Variants in TTC21B observed in about 807,000 individuals in gnomAD.
TTC21B encodes the protein tetratricopeptide repeat protein 21B.
TTC21B carries 127 observed loss-of-function variants against 175.1 expected under a neutral mutation model. The ratio of observed to expected loss-of-function variants is 0.73; its 90% CI spans 0.63 to 0.84. The LOEUF is 0.84. Among genes scored for constraint, TTC21B ranks in the 40% least tolerant of loss-of-function variants. The probability of loss-of-function intolerance (pLI) is 0.00; values close to 1 mark genes in which losing one functional copy is unlikely to be tolerated. For synonymous variants in TTC21B, 524 were observed against 524.5 expected (o/e 1.00, Z 0.01); for missense variants, 1,561 against 1,558.3 (o/e 1.00, Z -0.03).
At chr2:165,935,858 A>G (rs1372295191) in intron 6 of TTC21B, among the ~76,000 whole-genome samples, 1 of 152,186 alleles carries the variant, frequency 6.6e-6, no homozygotes, top group Non-Finnish European at 1.5e-5. Context: ...TCATGGATGC[A>G]AAGACAATAC....
At chr2:165,896,879 G>GT (rs1457519482) in intron 22 of TTC21B, among the ~76,000 whole-genome samples, 2 of 152,086 alleles carry the variant, frequency 1.3e-5, no homozygotes, top group Admixed American at 1.3e-4. Flanking sequence ...ACTACTAAGG[G>GT]TTTTTTTGTT....
At position 165,943,316 on chromosome 2, in the gene TTC21B, T is replaced by A. The variant is rs145726127; in HGVS notation, c.455A>T (p.Asp152Val). The A allele has an allele frequency of 1.2e-6, 2 of 1,610,208 alleles. No homozygotes were observed. The change falls in exon 5 of 29, where the codon GAT (aspartate) becomes GTT (valine). Residue 152 changes from aspartate to valine, a missense_variant. Transcript: ENST00000243344. ...KQGHVLKAWL[D>V]ITRGKEPYTK... ...GTAAGGCTCTTTTCCTCTTGTAATA[T>A]CAAGCCATGCTTTCAAAACGTGTCC... is the stretch of plus-strand genomic sequence containing the variant.
chr2:165,921,472 C>A (rs1686402590), intron 12 of TTC21B, among the ~76,000 whole-genome samples: 1 of 152,132 alleles, frequency 6.6e-6, no homozygotes, highest in Admixed American at 6.5e-5. Context: ...GGGTTAGTAT[C>A]CTGTTGCTAT....
In TTC21B at chr2:165,914,680, T is replaced by TGTGTGTGTGCGCGCGTGTGTGCGCGCGC. The variant is rs1553511349; in HGVS notation, c.2138+520_2138+521insGCGCGCGCACACACGCGCGCACACACAC. Among the ~76,000 whole-genome samples, 814 of 144,224 alleles carry TGTGTGTGTGCGCGCGTGTGTGCGCGCGC rather than the reference T, an allele frequency of 5.6e-3. 12 individuals carry two copies. Among genetic ancestry groups the TGTGTGTGTGCGCGCGTGTGTGCGCGCGC allele is most frequent in the African/African-American group, 0.021 (777 of 36,742 alleles). 94.6% of individuals were successfully genotyped at this position (144,224 alleles called of 152,430 possible). On this transcript the variant is annotated intron_variant, in intron 15 of 28. Transcript: ENST00000243344. ...ATCTGTGTGTGTGTGTGTGTGTGTGTGTGTGTGTGTGTGTGTGTTGTGTAT... is the reference window on the plus strand; with the variant it reads ...ATCTGTGTGTGTGTGTGTGTGTGTGTGTGTGTGTGCGCGCGTGTGTGCGCGCGCGTGTGTGTGTGTGTGTGTTGTGTAT...
intron 12 of TTC21B, 113 bp from the exon 13 acceptor site, chr2:165,919,546 T>TA: frequency 8.3e-7 from 1 of 1,198,986 alleles, no homozygotes; most frequent in Non-Finnish European, 1.2e-6. Flanking sequence ...TTTGTAAACT[T>TA]AAAGTTTGCT....
At chr2:165,920,277 C>T (rs1290398468) in intron 12 of TTC21B, among the ~76,000 whole-genome samples, 1 of 152,010 alleles carries the variant, frequency 6.6e-6, no homozygotes, top group East Asian at 1.9e-4. Flanking sequence ...TCATTTATGC[C>T]CCTCAAACTC....
intron 18 of TTC21B, among the ~76,000 whole-genome samples, chr2:165,910,459 G>T (rs1685891642): frequency 6.6e-6 from 1 of 151,872 alleles, no homozygotes; most frequent in Non-Finnish European, 1.5e-5. Context: ...AAGGTAATTT[G>T]ATAGTACCCA....
chr2:165,905,417 A>AACATAAGG (rs1404784490), intron 19 of TTC21B, among the ~76,000 whole-genome samples: 1 of 152,142 alleles, frequency 6.6e-6, no homozygotes, highest in African/African-American at 2.4e-5. Flanking sequence ...ACAGATCTTA[A>AACATAAGG]ACATAAGGAC....
intron 1 of TTC21B, among the ~76,000 whole-genome samples, chr2:165,950,298 T>C (rs1011758715): frequency 6.6e-6 from 1 of 152,232 alleles, no homozygotes; most frequent in African/African-American, 2.4e-5. Context: ...AAAATCGTTG[T>C]CTTTAAGCTT....
At chr2:165,879,653 G>A (rs1684778695) in intron 27 of TTC21B, 1 of 152,064 alleles carries the variant, frequency 6.6e-6, no homozygotes, top group South Asian at 2.1e-4. Context: ...ATATTTGAGA[G>A]GTTGTTCATT....
chr2:165,924,639 G>T lies in TTC21B; in HGVS notation c.1426C>A (p.Arg476Ser), dbSNP rs756531554. ...ACAGTCTCCAGGACTGAGATGCAAC[G>T]CCTGAGAAGTGGACAAAGAGGTTGC... is the stretch of plus-strand genomic sequence containing the variant. Reference protein sequence around the residue: ...PGQPLCPLLRRCISVLETVVR... With the variant: ...PGQPLCPLLRSCISVLETVVR... The change falls in exon 12 of 29, where the codon CGT (arginine) becomes AGT (serine). Residue 476 changes from arginine (R) to serine (S), a missense_variant. By Grantham distance (110) the Arg-to-Ser change is moderately radical (BLOSUM62 -1). Coordinates refer to ENST00000243344, the MANE Select transcript of TTC21B (RefSeq NM_024753.5). The T allele has an allele frequency of 1.9e-6, 3 of 1,613,700 alleles. No individual in the cohort carries two copies. Among genetic ancestry groups the T allele is most frequent in the African/African-American group, 1.3e-5 (1 of 75,018 alleles).
intron 7 of TTC21B, 76 bp downstream of exon 7, chr2:165,932,897 A>C: frequency 7.9e-7 from 1 of 1,272,004 alleles, no homozygotes; most frequent in South Asian, 1.2e-5. Context: ...GTATATGCAC[A>C]TGCACACATG....
rs576217736 is a variant in TTC21B at position 165,874,536 on chromosome 2, T to C, written c.*219A>G. On this transcript the variant is annotated 3_prime_UTR_variant, in exon 29 of 29. Coordinates refer to ENST00000243344, the MANE Select transcript of TTC21B (RefSeq NM_024753.5). ...ACAGAGTCACCAAATCTGTACCCAATCAAAACAGAGTCAAATAGACCAGCT... is the reference window on the plus strand; with the variant it reads ...ACAGAGTCACCAAATCTGTACCCAACCAAAACAGAGTCAAATAGACCAGCT... 1.4e-5 allele frequency: 7 copies of C among 512,792 alleles called. No individual in the cohort carries two copies. Among genetic ancestry groups the C allele is most frequent in the South Asian group, 7.1e-5 (3 of 42,530 alleles). The allele number at this position is 512,792 out of a possible 1,614,324, so 31.8% of individuals were successfully genotyped here. A position where few individuals can be genotyped will look rare whatever the true frequency, so the allele number is the denominator to read the frequency against.
intron 25 of TTC21B, among the ~76,000 whole-genome samples, chr2:165,887,027 A>C (rs1685019924): frequency 6.6e-6 from 1 of 152,114 alleles, no homozygotes; most frequent in South Asian, 2.1e-4. Flanking sequence ...CTGCTGTTTT[A>C]TTCCAAGCGC....
At chr2:165,935,394 T>C (rs570423693) in intron 6 of TTC21B, among the ~76,000 whole-genome samples, 5 of 152,320 alleles carry the variant, frequency 3.3e-5, no homozygotes, top group Admixed American at 2.6e-4. Flanking sequence ...CAGTGCACTA[T>C]ACTGAACAGT....
intron 2 of TTC21B, 24 bp from the exon 3 acceptor site, chr2:165,949,528 A>AAAAACTGT (rs774435678): frequency 6.2e-7 from 1 of 1,613,478 alleles, no homozygotes; most frequent in African/African-American, 1.3e-5. Flanking sequence ...TTATGATATG[A>AAAAACTGT]AAAACTGTTC....
chr2:165,933,139 G>T, intron 6 of TTC21B, 82 bp from the exon 7 acceptor site: 1 of 1,151,452 alleles, frequency 8.7e-7, no homozygotes, highest in Non-Finnish European at 1.3e-6. Flanking sequence ...TGGTTTGCTT[G>T]CCTCACTATT....
chr2:165,880,338 T>C lies in TTC21B; in HGVS notation c.3805+341A>G, dbSNP rs556598581. On this transcript the variant is annotated intron_variant, in intron 27 of 28. Transcript: ENST00000243344. ...AAGTAAAGAAACCTGTGTAATTCAATTTAATGCAATATTTTCCTAACTTAC... is the reference window on the plus strand; with the variant it reads ...AAGTAAAGAAACCTGTGTAATTCAACTTAATGCAATATTTTCCTAACTTAC... 9.8e-5 allele frequency among the ~76,000 whole-genome samples: 15 copies of C among 152,300 alleles called. No individual in the cohort carries two copies. The South Asian group carries it at 3.1e-3, about 32-fold the overall frequency.
chr2:165,891,032 G>T (rs1262226272), intron 22 of TTC21B, 44 bp from the exon 23 acceptor site: 1 of 1,488,604 alleles, frequency 6.7e-7, no homozygotes, highest in Non-Finnish European at 9.4e-7. Flanking sequence ...ATTTTATACT[G>T]TTTCTTTTGT....
Sources: allele counts gnomAD v4.1 joint callset (sites outside exome capture counted in the v4.1 genomes callset), GRCh38; gene constraint gnomAD v4.1.1; transcripts MANE v1.5; gene names NCBI Gene and HGNC (gene_info 2026-07-23, HGNC 2026-07-21).